The following BMPR1A variants were observed in gnomAD, a reference collection of about 807,000 sequenced individuals.
The protein encoded by BMPR1A is bone morphogenetic protein receptor type 1A.
BMPR1A carries 7 observed loss-of-function variants against 66.0 expected under a neutral mutation model. The observed-to-expected ratio is 0.11, with a 90% CI of 0.06 to 0.20. The LOEUF is 0.20. Among genes scored for constraint, BMPR1A ranks in the 10% least tolerant of loss-of-function variants. BMPR1A has a pLI of 1.00. For missense variants in BMPR1A, 408 were observed against 669.1 expected (o/e 0.61, Z 4.31); for synonymous variants, 200 against 229.7 (o/e 0.87, Z 1.17).
chr10:86,794,996 C>G (rs1410626385), intron 1 of BMPR1A, among the ~76,000 whole-genome samples: 1 of 151,808 alleles, frequency 6.6e-6, no homozygotes, highest in African/African-American at 2.4e-5. Context: ...GGATTACAGG[C>G]ATGCACCACC....
At chr10:86,779,455 T>TAATTG (rs1841402962) in intron 1 of BMPR1A, among the ~76,000 whole-genome samples, 1 of 152,240 alleles carries the variant, frequency 6.6e-6, no homozygotes, top group African/African-American at 2.4e-5. Context: ...TGCCCATTTT[T>TAATTG]AATTGGATTG....
In BMPR1A at chr10:86,926,106, T is replaced by A. The variant is rs531389352; in HGVS notation, c.*2387T>A. 3.6e-4 allele frequency: 62 copies of A among 172,054 alleles called. No individual in the cohort carries two copies. Among genetic ancestry groups the A allele is most frequent in the African/African-American group, 1.4e-3 (59 of 42,218 alleles). 10.7% of individuals were successfully genotyped at this position (172,054 alleles called of 1,614,324 possible). A position where few individuals can be genotyped will look rare whatever the true frequency, so the allele number is the denominator to read the frequency against. On this transcript the variant is annotated 3_prime_UTR_variant, in exon 13 of 13. Transcript: ENST00000372037. The stretch of plus-strand genomic sequence containing the variant: ...ATATGAGACCACTATTATGGTTTTT[T>A]AAAATTAACTTGGTCTAGTAAAAGT...
At chr10:86,812,951 T>C (rs1281896196) in intron 1 of BMPR1A, among the ~76,000 whole-genome samples, 2 of 152,226 alleles carry the variant, frequency 1.3e-5, no homozygotes, top group Non-Finnish European at 2.9e-5. Context: ...ATAAATCCTC[T>C]GTGCTTTCTG....
intron 1 of BMPR1A, among the ~76,000 whole-genome samples, chr10:86,772,887 TC>T (rs763982948): frequency 2.6e-5 from 4 of 152,022 alleles, no homozygotes; most frequent in Non-Finnish European, 5.9e-5. Flanking sequence ...AAAGTAAAAA[TC>T]CCCTGTATTT....
chr10:86,883,414 G>A (rs773788087), intron 3 of BMPR1A, among the ~76,000 whole-genome samples: 54 of 151,930 alleles, frequency 3.6e-4, no homozygotes, highest in Non-Finnish European at 7.2e-4. Context: ...GCCGGGCGTG[G>A]TGGCGGGCGC....
chr10:86,839,223 A>G (rs888323498), intron 2 of BMPR1A, among the ~76,000 whole-genome samples: 1 of 152,106 alleles, frequency 6.6e-6, no homozygotes, highest in African/African-American at 2.4e-5. Context: ...CTTACTAATC[A>G]CTTTCATAAA....
At chr10:86,884,800 A>ATGTCAGTATGTGTCGGACATG (rs1843048463) in intron 3 of BMPR1A, among the ~76,000 whole-genome samples, 1 of 152,140 alleles carries the variant, frequency 6.6e-6, no homozygotes, top group Non-Finnish European at 1.5e-5. Flanking sequence ...ATGACACTGC[A>ATGTCAGTATGTGTCGGACATG]TGTCAGTATG....
chr10:86,836,294 CAAAGG>C (rs2133095570), intron 1 of BMPR1A, among the ~76,000 whole-genome samples: 1 of 123,008 alleles, frequency 8.1e-6, no homozygotes, highest in East Asian at 3.0e-4. Flanking sequence ...CACTATATTG[CAAAGG>C]TCCTAACCTT....
chr10:86,783,142 G>A (rs553394743), intron 1 of BMPR1A, among the ~76,000 whole-genome samples: 3 of 152,254 alleles, frequency 2.0e-5, no homozygotes, highest in South Asian at 2.1e-4. Context: ...TCCCCATTGC[G>A]TAGTCTTGGC....
intron 1 of BMPR1A, among the ~76,000 whole-genome samples, chr10:86,791,215 C>CT (rs33919307): frequency 2.0e-3 from 281 of 141,822 alleles, no homozygotes; most frequent in Middle Eastern, 0.011. Flanking sequence ...TCAGTGCTTG[C>CT]TTTTTTTTTT....
At chr10:86,860,336 A>G (rs189723183) in intron 2 of BMPR1A, among the ~76,000 whole-genome samples, 1 of 152,318 alleles carries the variant, frequency 6.6e-6, no homozygotes, top group African/African-American at 2.4e-5. Flanking sequence ...GTTTTTATAT[A>G]TCTGTAGAAA....
chr10:86,778,007 C>CA (rs55951007), intron 1 of BMPR1A, among the ~76,000 whole-genome samples: 327 of 114,218 alleles, frequency 2.9e-3, no homozygotes, highest in African/African-American at 5.5e-3. Context: ...GAGCGAAACT[C>CA]AAAAAAAAAA....
intron 1 of BMPR1A, among the ~76,000 whole-genome samples, chr10:86,778,165 A>C (rs1306703549): frequency 6.6e-6 from 1 of 152,140 alleles, no homozygotes; most frequent in Admixed American, 6.5e-5. Context: ...CATGTGGCCC[A>C]GGATAGCTTC....
chr10:86,844,395 G>A (rs1457364554), intron 2 of BMPR1A, among the ~76,000 whole-genome samples: 1 of 152,154 alleles, frequency 6.6e-6, no homozygotes, highest in African/African-American at 2.4e-5. Flanking sequence ...ATGGTATCTT[G>A]TTTTAATAGA....
chr10:86,766,701 C>T (rs931791132), intron 1 of BMPR1A, among the ~76,000 whole-genome samples: 5 of 150,996 alleles, frequency 3.3e-5, no homozygotes, highest in East Asian at 1.9e-4. Flanking sequence ...CAGCAAGCTC[C>T]GCCTCCTGGG....
rs1474462505 is a variant in BMPR1A at position 86,923,837 on chromosome 10, G to A, written c.*118G>A. 3.7e-5 allele frequency: 50 copies of A among 1,340,428 alleles called. No homozygotes were observed. Among genetic ancestry groups the A allele is most frequent in the Non-Finnish European group, 4.6e-5 (43 of 940,410 alleles). 83.0% of individuals were successfully genotyped at this position (1,340,428 alleles called of 1,614,324 possible). A position where few individuals can be genotyped will look rare whatever the true frequency, so the allele number is the denominator to read the frequency against. ...GGTTCTCAGACTCTTTCTTCACTAC[G>A]TGTTCACAGGCTGCTAATATTAAAC... is the stretch of plus-strand genomic sequence containing the variant. On this transcript the variant is annotated 3_prime_UTR_variant, in exon 13 of 13. Transcript: ENST00000372037.
chr10:86,775,101 A>G (rs1230762923), intron 1 of BMPR1A, among the ~76,000 whole-genome samples: 6 of 152,212 alleles, frequency 3.9e-5, no homozygotes, highest in Non-Finnish European at 2.9e-5. Flanking sequence ...GAAGGTCAGA[A>G]TGTGTACTGT....
intron 1 of BMPR1A, among the ~76,000 whole-genome samples, chr10:86,826,901 A>G (rs948047927): frequency 1.3e-5 from 2 of 152,150 alleles, no homozygotes; most frequent in African/African-American, 4.8e-5. Flanking sequence ...TAATGTGGGC[A>G]TAGATTTAAA....
At chr10:86,802,858 C>G (rs563788749) in intron 1 of BMPR1A, among the ~76,000 whole-genome samples, 1 of 151,648 alleles carries the variant, frequency 6.6e-6, no homozygotes, top group African/African-American at 2.4e-5. Flanking sequence ...ATTGCTTGAG[C>G]CCAGGAGTTG....
Sources: gnomAD v4.1 joint callset for allele counts (sites outside exome capture counted in the v4.1 genomes callset) on GRCh38, gnomAD v4.1.1 for gene constraint, MANE v1.5 for transcripts, NCBI Gene and HGNC (gene_info 2026-07-23, HGNC 2026-07-21) for gene names.